ARHGAP32: variants seen among roughly 807,000 people sequenced by gnomAD.
ARHGAP32 encodes the protein rho GTPase-activating protein 32.
A neutral mutation model predicts 186.5 loss-of-function variants in ARHGAP32; 51 were observed. The ratio of observed to expected loss-of-function variants is 0.27; its 90% CI spans 0.22 to 0.35. ARHGAP32 has a LOEUF of 0.35. ARHGAP32 is among the 10% of genes least tolerant of loss of function. The pLI, the probability that ARHGAP32 is intolerant of heterozygous loss-of-function variation, is 1.00. For synonymous variants in ARHGAP32, 950 were observed against 964.3 expected, an observed-to-expected ratio of 0.99 and a Z score of 0.27; for missense variants, 2,186 against 2,623.5, an observed-to-expected ratio of 0.83 and a Z score of 3.64.
chr11:129,063,151 T>C (rs1940569233), intron 9 of ARHGAP32, among the ~76,000 whole-genome samples: 1 of 152,040 alleles, frequency 6.6e-6, no homozygotes, highest in Non-Finnish European at 1.5e-5. Context: ...TTTTCTTTTG[T>C]ATATTCACAA....
chr11:129,045,535 C>A (rs767123132), intron 10 of ARHGAP32, among the ~76,000 whole-genome samples: 5 of 152,076 alleles, frequency 3.3e-5, no homozygotes, highest in Non-Finnish European at 7.3e-5. Context: ...ATATTACACA[C>A]GAGAATGGAA....
At chr11:129,063,780 A>C in intron 9 of ARHGAP32, 122 bp downstream of exon 9, 1 of 1,134,468 alleles carries the variant, frequency 8.8e-7, no homozygotes, top group Admixed American at 2.7e-5. Flanking sequence ...AATATAAAAG[A>C]CTATGGAAAA....
At position 128,969,230 on chromosome 11, in the gene ARHGAP32, G is replaced by C. The variant is rs754398777; in HGVS notation, c.5983C>G (p.Pro1995Ala). The C allele has an allele frequency of 1.2e-6, 2 of 1,614,104 alleles. No individual in the cohort carries two copies. Among genetic ancestry groups the C allele is most frequent in the South Asian group, 1.1e-5 (1 of 91,060 alleles). The change falls in exon 23 of 23, where the codon CCT becomes GCT. Residue 1995 changes from proline to alanine, a missense_variant. By Grantham distance (27) the Pro-to-Ala change is conservative. Coordinates refer to ENST00000682385, the MANE Select transcript of ARHGAP32 (RefSeq NM_001378024.1). The surrounding 1 kb of genome is among the most constrained non-coding windows in gnomAD (Gnocchi z 4.8). Reference protein sequence around the residue: ...EHLTQSIVPPPKPERSHSLKL... With the variant: ...EHLTQSIVPPAKPERSHSLKL... ...AGGCTATGACTCCTCTCTGGTTTAG[G>C]GGGTGGGACGATTGACTGAGTGAGG...
intron 1 of ARHGAP32, among the ~76,000 whole-genome samples, chr11:129,237,828 G>A (rs1944956412): frequency 6.6e-6 from 1 of 152,160 alleles, no homozygotes; most frequent in Non-Finnish European, 1.5e-5. Flanking sequence ...TCCTTACACT[G>A]AGAAGGATAA....
intron 15 of ARHGAP32, among the ~76,000 whole-genome samples, chr11:128,983,377 G>A (rs950023955): frequency 4.0e-5 from 6 of 150,168 alleles, no homozygotes; most frequent in East Asian, 3.9e-4. Context: ...CTTGAGAAAC[G>A]TATTTAGATC....
rs141233557 is a variant in ARHGAP32 at position 129,163,839 on chromosome 11, A to G, written c.225+480T>C. Among the ~76,000 whole-genome samples the G allele has an allele frequency of 6.8e-4, 104 of 152,262 alleles. 1 individual carries two copies. The East Asian group carries it at 0.017, about 25-fold the overall frequency. On this transcript the variant is annotated intron_variant, in intron 2 of 22. Coordinates refer to ENST00000682385, the MANE Select transcript of ARHGAP32 (RefSeq NM_001378024.1). ...TCATCAATAAAGTACAAGAAACTGCACGATCTGCTTTCCACCCACCCAAAC... is the reference window on the plus strand; with the variant it reads ...TCATCAATAAAGTACAAGAAACTGCGCGATCTGCTTTCCACCCACCCAAAC...
intron 18 of ARHGAP32, among the ~76,000 whole-genome samples, chr11:128,979,150 A>G (rs1384195752): frequency 1.3e-5 from 2 of 152,212 alleles, no homozygotes; most frequent in Non-Finnish European, 1.5e-5. Flanking sequence ...GATCATTTTT[A>G]TATATATCTT....
At chr11:129,174,434 C>T (rs938268855) in intron 1 of ARHGAP32, among the ~76,000 whole-genome samples, 1 of 152,224 alleles carries the variant, frequency 6.6e-6, no homozygotes, top group Admixed American at 6.5e-5. Flanking sequence ...CTGGGTAGAG[C>T]CCACCACAGC....
chr11:129,127,828 G>A (rs1198521223), intron 2 of ARHGAP32, among the ~76,000 whole-genome samples: 2 of 151,984 alleles, frequency 1.3e-5, no homozygotes, highest in Non-Finnish European at 2.9e-5. Flanking sequence ...TAAAATAAGA[G>A]TTTATAATAT....
chr11:129,202,043 T>C (rs1018385819), intron 1 of ARHGAP32, among the ~76,000 whole-genome samples: 3 of 152,030 alleles, frequency 2.0e-5, no homozygotes, highest in South Asian at 2.1e-4. Flanking sequence ...TGTGTATATA[T>C]ACACACATAT....
intron 1 of ARHGAP32, among the ~76,000 whole-genome samples, chr11:129,262,901 C>T (rs942839693): frequency 6.6e-6 from 1 of 152,140 alleles, no homozygotes; most frequent in Non-Finnish European, 1.5e-5. Context: ...ATCAGTCACA[C>T]CTCAATGTCA....
intron 1 of ARHGAP32, among the ~76,000 whole-genome samples, chr11:129,186,239 G>A (rs2135543806): frequency 6.6e-6 from 1 of 152,218 alleles, no homozygotes; most frequent in South Asian, 2.1e-4. Context: ...TATCGTTTGT[G>A]TACTCTAGGG....
intron 1 of ARHGAP32, among the ~76,000 whole-genome samples, chr11:129,180,956 T>A (rs1944042115): frequency 6.6e-6 from 1 of 152,130 alleles, no homozygotes; most frequent in South Asian, 2.1e-4. Context: ...TTCTTGCTCA[T>A]AACTTATGAA....
intron 1 of ARHGAP32, among the ~76,000 whole-genome samples, chr11:129,173,188 A>G (rs896337882): frequency 9.9e-5 from 15 of 152,020 alleles, no homozygotes; most frequent in Non-Finnish European, 2.9e-5. Flanking sequence ...ACATCTCTAC[A>G]CAAATAAACT....
At chr11:129,012,842 G>A (rs905945108) in intron 11 of ARHGAP32, among the ~76,000 whole-genome samples, 2 of 152,118 alleles carry the variant, frequency 1.3e-5, no homozygotes, top group Non-Finnish European at 2.9e-5. Flanking sequence ...CCTTCACATC[G>A]ATTAGCAATT....
chr11:129,229,696 T>C (rs1365329408), intron 1 of ARHGAP32, among the ~76,000 whole-genome samples: 2 of 152,172 alleles, frequency 1.3e-5, no homozygotes, highest in Non-Finnish European at 2.9e-5. Flanking sequence ...CTGAATCCCT[T>C]AAAATGAATC....
At chr11:129,151,291 C>T (rs892394274) in intron 2 of ARHGAP32, among the ~76,000 whole-genome samples, 17 of 152,116 alleles carry the variant, frequency 1.1e-4, no homozygotes, top group African/African-American at 4.1e-4. Flanking sequence ...TGGGGAAATT[C>T]AATATTCCAC....
intron 11 of ARHGAP32, among the ~76,000 whole-genome samples, chr11:129,021,000 T>TATCTGAAC (rs1164292294): frequency 1.3e-5 from 2 of 152,054 alleles, no homozygotes; most frequent in East Asian, 1.9e-4. Flanking sequence ...AACAGTTTGC[T>TATCTGAAC]ATTCCAACCT....
chr11:129,279,321 G>A (rs1429242412), exon 1 of ARHGAP32: 1 of 143,964 alleles, frequency 6.9e-6, no homozygotes, highest in Admixed American at 6.9e-5. Flanking sequence ...GGGCTCGGCC[G>A]GGCGTCCCCC....
Sources: allele counts gnomAD v4.1 joint callset (sites outside exome capture counted in the v4.1 genomes callset), GRCh38; gene constraint gnomAD v4.1.1; non-coding constraint Gnocchi (gnomAD v3.1); transcripts MANE v1.5; gene names NCBI Gene and HGNC (gene_info 2026-07-23, HGNC 2026-07-21).